Variants in PLEKHA5 observed in about 807,000 individuals in gnomAD.
The protein encoded by PLEKHA5 is pleckstrin homology domain containing A5.
PLEKHA5 carries 55 observed loss-of-function variants against 181.9 expected under a neutral mutation model. The ratio of observed to expected loss-of-function variants is 0.30; its 90% CI spans 0.24 to 0.38. The LOEUF (loss-of-function observed/expected upper bound fraction) is 0.38. PLEKHA5 is among the 10% of genes least tolerant of loss of function. The pLI, the probability that PLEKHA5 is intolerant of heterozygous loss-of-function variation, is 1.00. For missense variants in PLEKHA5, 1,432 were observed against 1,549.5 expected (o/e 0.92, Z 1.27); for synonymous variants, 535 against 529.4 (o/e 1.01, Z -0.15).
At chr12:19,132,829 A>T (rs1311439238) in intron 3 of PLEKHA5, among the ~76,000 whole-genome samples, 3 of 94,794 alleles carry the variant, frequency 3.2e-5, no homozygotes, top group African/African-American at 8.3e-5. Flanking sequence ...ATAGAGGATT[A>T]TTGGTCATTA....
chr12:19,258,179 T>C (rs900524110), intron 6 of PLEKHA5, among the ~76,000 whole-genome samples: 6 of 152,186 alleles, frequency 3.9e-5, no homozygotes, highest in African/African-American at 1.4e-4. Flanking sequence ...TTATTAGTTT[T>C]GCAATTAGTA....
chr12:19,297,628 CAAA>C (rs934426933), intron 15 of PLEKHA5, among the ~76,000 whole-genome samples: 5 of 63,772 alleles, frequency 7.8e-5, no homozygotes, highest in Admixed American at 3.4e-4. Flanking sequence ...GGCTCCGTCT[CAAA>C]AAAAAAAAAA....
intron 5 of PLEKHA5, among the ~76,000 whole-genome samples, chr12:19,256,561 G>A (rs1282758382): frequency 2.6e-5 from 4 of 152,110 alleles, no homozygotes; most frequent in African/African-American, 9.7e-5. Context: ...TTACCTGTTT[G>A]AAAGTAAATT....
intron 3 of PLEKHA5, chr12:19,205,201 G>A (rs893341624): frequency 6.3e-6 from 1 of 159,000 alleles, no homozygotes; most frequent in African/African-American, 2.4e-5. Flanking sequence ...TTATTTGCAT[G>A]TAGGTCATCA....
intron 10 of PLEKHA5, among the ~76,000 whole-genome samples, chr12:19,270,715 T>C (rs1565545592): frequency 6.6e-6 from 1 of 152,120 alleles, no homozygotes; most frequent in East Asian, 1.9e-4. Context: ...GAAGAAAAAA[T>C]TATGATGCAA....
At chr12:19,243,530 ACAC>A (rs2063080383) in intron 3 of PLEKHA5, 1 of 152,188 alleles carries the variant, frequency 6.6e-6, no homozygotes, top group Non-Finnish European at 1.5e-5. Flanking sequence ...TGAGGTTTTC[ACAC>A]CTGATTAATC....
intron 15 of PLEKHA5, among the ~76,000 whole-genome samples, chr12:19,293,375 G>T (rs1220683582): frequency 6.6e-6 from 1 of 151,952 alleles, no homozygotes; most frequent in East Asian, 1.9e-4. Context: ...TTGGCCATTG[G>T]AATACTTTAA....
intron 3 of PLEKHA5, among the ~76,000 whole-genome samples, chr12:19,236,700 G>A (rs1372477035): frequency 6.6e-6 from 1 of 152,084 alleles, no homozygotes; most frequent in East Asian, 1.9e-4. Flanking sequence ...ATATATCTTA[G>A]TGTTTTATCC....
At chr12:19,231,624 AGCT>A (rs1417034952) in intron 3 of PLEKHA5, among the ~76,000 whole-genome samples, 136 of 145,246 alleles carry the variant, frequency 9.4e-4, no homozygotes, top group Non-Finnish European at 1.4e-3. Context: ...ATACTCATAA[AGCT>A]TGAGTTATTT....
chr12:19,284,512 A>G (rs916628898), intron 12 of PLEKHA5, among the ~76,000 whole-genome samples: 5 of 152,248 alleles, frequency 3.3e-5, no homozygotes, highest in Non-Finnish European at 4.4e-5. Flanking sequence ...ACCAATGAAT[A>G]TATGGCATAT....
At chr12:19,288,743 G>C (rs577718123) in intron 13 of PLEKHA5, among the ~76,000 whole-genome samples, 2 of 152,226 alleles carry the variant, frequency 1.3e-5, no homozygotes, top group South Asian at 2.1e-4. Flanking sequence ...ACATTAGATT[G>C]TTGGCCTGAC....
At chr12:19,374,914 C>T (rs1404448795) in intron 31 of PLEKHA5, among the ~76,000 whole-genome samples, 1 of 151,854 alleles carries the variant, frequency 6.6e-6, no homozygotes, top group Non-Finnish European at 1.5e-5. Context: ...GAGATCGTGC[C>T]ACTGCACTCC....
chr12:19,357,045 TTTA>T (rs1267352725), intron 26 of PLEKHA5, among the ~76,000 whole-genome samples: 3 of 152,158 alleles, frequency 2.0e-5, no homozygotes, highest in Non-Finnish European at 4.4e-5. Context: ...AGGTGTTTGT[TTTA>T]TTAGTCTTTT....
At chr12:19,149,978 T>C (rs1343053965) in intron 3 of PLEKHA5, 1 of 152,120 alleles carries the variant, frequency 6.6e-6, no homozygotes, top group East Asian at 1.9e-4. Context: ...TTGTACAAGG[T>C]TGTAGATACA....
chr12:19,233,269 C>G (rs919634308), intron 3 of PLEKHA5, among the ~76,000 whole-genome samples: 2 of 152,008 alleles, frequency 1.3e-5, no homozygotes, highest in African/African-American at 4.8e-5. Context: ...ATTTTTGCCT[C>G]TGTTTAAACT....
intron 15 of PLEKHA5, among the ~76,000 whole-genome samples, chr12:19,301,397 G>C (rs2081426890): frequency 6.6e-6 from 1 of 151,868 alleles, no homozygotes; most frequent in Non-Finnish European, 1.5e-5. Context: ...TGTTTCCTGT[G>C]GATGCCAGGG....
intron 10 of PLEKHA5, among the ~76,000 whole-genome samples, chr12:19,272,852 A>G (rs970317355): frequency 1.3e-5 from 2 of 152,084 alleles, no homozygotes; most frequent in East Asian, 1.9e-4. Context: ...TAAAATTCCT[A>G]CCCTCCCAAA....
chr12:19,238,096 TA>T (rs1307553064), intron 3 of PLEKHA5, among the ~76,000 whole-genome samples: 1 of 151,986 alleles, frequency 6.6e-6, no homozygotes, highest in Non-Finnish European at 1.5e-5. Context: ...TCTTAAAGAA[TA>T]AAAAAAGATT....
intron 8 of PLEKHA5, among the ~76,000 whole-genome samples, chr12:19,267,650 ACTCC>A (rs1376542209): frequency 7.4e-6 from 1 of 134,848 alleles, no homozygotes; most frequent in East Asian, 2.2e-4. Flanking sequence ...ACAGAGTAAG[ACTCC>A]CTCCCTCCCC....
Sources: gnomAD v4.1 joint callset for allele counts (sites outside exome capture counted in the v4.1 genomes callset) on GRCh38, gnomAD v4.1.1 for gene constraint, MANE v1.5 for transcripts, NCBI Gene and HGNC (gene_info 2026-07-23, HGNC 2026-07-21) for gene names.